PSMG2: variants seen among roughly 807,000 people sequenced by gnomAD.
The protein encoded by PSMG2 is CD40 ligand-activated specific transcript 3.
In PSMG2, 21 loss-of-function variants were observed where a neutral mutation model predicts 31.5. That is an observed-to-expected ratio of 0.67 (90% CI 0.47 to 0.96). PSMG2 has a LOEUF of 0.96. Among genes scored for constraint, PSMG2 ranks in the 40% least tolerant of loss-of-function variants. The pLI, the probability that PSMG2 is intolerant of heterozygous loss-of-function variation, is 0.00. For synonymous variants in PSMG2, 120 were observed against 110.4 expected (o/e 1.09, Z -0.54); for missense variants, 318 against 321.2 (o/e 0.99, Z 0.08).
At chr18:12,701,283 T>TA (rs2040141215), upstream of PSMG2, among the ~76,000 whole-genome samples, 1 of 152,132 alleles carries the variant, frequency 6.6e-6, no homozygotes, top group South Asian at 2.1e-4. Flanking sequence ...ATTCTAGAAA[T>TA]AGTCTCCACT....
chr18:12,702,646 C>CA (rs1344241458), upstream of PSMG2: 5 of 1,355,336 alleles, frequency 3.7e-6, no homozygotes, highest in African/African-American at 7.4e-5. Context: ...GACTGGAGCA[C>CA]AAAGCGCCGC....
At chr18:12,667,576 A>G (rs893165455) in intron 1 of PSMG2, among the ~76,000 whole-genome samples, 1 of 151,732 alleles carries the variant, frequency 6.6e-6, no homozygotes, top group Non-Finnish European at 1.5e-5. Flanking sequence ...CCTGGCCAAC[A>G]TGGTGAAACC....
At chr18:12,659,537 A>G (rs2144930234) in intron 1 of PSMG2, among the ~76,000 whole-genome samples, 1 of 152,136 alleles carries the variant, frequency 6.6e-6, no homozygotes, top group Non-Finnish European at 1.5e-5. Context: ...GAGTGTGGTG[A>G]CGCACGCTTG....
At chr18:12,664,910 G>A (rs1347834547) in intron 1 of PSMG2, among the ~76,000 whole-genome samples, 2 of 151,988 alleles carry the variant, frequency 1.3e-5, no homozygotes, top group African/African-American at 4.8e-5. Flanking sequence ...CTTTGGCCAG[G>A]CTGGTCTCAA....
At chr18:12,721,245 G>T (rs548394883) in intron 5 of PSMG2, among the ~76,000 whole-genome samples, 1 of 152,112 alleles carries the variant, frequency 6.6e-6, no homozygotes, top group Non-Finnish European at 1.5e-5. Flanking sequence ...TTAGGGGAAA[G>T]ATTTAAACTT....
At chr18:12,699,700 C>T (rs2040085095), upstream of PSMG2, 1 of 575,714 alleles carries the variant, frequency 1.7e-6, no homozygotes, top group African/African-American at 1.9e-5. Context: ...TCTGTTTTAG[C>T]CAACCATAAA....
chr18:12,725,105 G>A (rs78425322), intron 6 of PSMG2, among the ~76,000 whole-genome samples: 11,359 of 152,190 alleles, frequency 0.075, 595 homozygotes, highest in Middle Eastern at 0.16. Context: ...TTCTAAGATG[G>A]GTAACTAGCT....
At chr18:12,673,972 T>G (rs1239577917) in intron 1 of PSMG2, among the ~76,000 whole-genome samples, 3 of 152,172 alleles carry the variant, frequency 2.0e-5, no homozygotes, top group Non-Finnish European at 4.4e-5. Context: ...TATAGACTAT[T>G]TCCTTATAGT....
In PSMG2 at chr18:12,715,851, C is replaced by G. The variant is rs571824324; in HGVS notation, c.289-2666C>G. ...AAGTATGACGTACATGAGAAAAGTG[C>G]ACAAATCATAAATATACAGCTTGGT... On this transcript the variant is annotated intron_variant, in intron 3 of 6. Transcript: ENST00000317615. Among the ~76,000 whole-genome samples, 5 of 152,272 alleles carry G rather than the reference C, an allele frequency of 3.3e-5. No individual in the cohort carries two copies. In the South Asian group the frequency reaches 8.3e-4, roughly 25 times the overall value.
In PSMG2 at chr18:12,706,639, C is replaced by T. The variant is rs796272716; in HGVS notation, c.147C>T (p.Thr49=). 3.1e-6 allele frequency: 5 copies of T among 1,613,834 alleles called. No homozygotes were observed. The highest frequency in any genetic ancestry group is 2.2e-5 in the East Asian group (1 of 44,872). ...LNMSKIGYFY[T]DCLVPMVGNN... is the part of the protein sequence containing the mutation. ...TGTCTAAGATTGGTTACTTCTATACCGATTGTCTTGTGCCAATGGTTGGAA... is the reference window on the plus strand; with the variant it reads ...TGTCTAAGATTGGTTACTTCTATACTGATTGTCTTGTGCCAATGGTTGGAA... Residue 49 remains threonine (T), a synonymous_variant, in exon 2 of 7, where the codon ACC becomes ACT. Coordinates refer to ENST00000317615, the MANE Select transcript of PSMG2 (RefSeq NM_020232.5).
chr18:12,711,470 C>T (rs1439989952), intron 2 of PSMG2, among the ~76,000 whole-genome samples: 1 of 152,030 alleles, frequency 6.6e-6, no homozygotes, highest in East Asian at 1.9e-4. Flanking sequence ...GTCTCTTTTC[C>T]CTAAATTTAT....
At chr18:12,674,662 A>T (rs1458821148) in intron 1 of PSMG2, 1 of 1,614,074 alleles carries the variant, frequency 6.2e-7, no homozygotes, top group Admixed American at 1.7e-5. Context: ...GCCTGCTGAT[A>T]TACTTGTTGT....
At chr18:12,667,529 A>C (rs1473218503) in intron 1 of PSMG2, among the ~76,000 whole-genome samples, 1 of 152,150 alleles carries the variant, frequency 6.6e-6, no homozygotes, top group Non-Finnish European at 1.5e-5. Context: ...TGGGAGGCCA[A>C]GGCAGGTGGA....
At chr18:12,698,815 G>C (rs553444555), upstream of PSMG2, 6 of 596,908 alleles carry the variant, frequency 1.0e-5, no homozygotes, top group South Asian at 1.4e-4. Context: ...ACAGAATATT[G>C]CAAGAAGGTG....
At chr18:12,686,642 A>T (rs2039549169) in intron 1 of PSMG2, 1 of 442,104 alleles carries the variant, frequency 2.3e-6, no homozygotes, top group Non-Finnish European at 4.1e-6. Context: ...TTTTCATTTT[A>T]TAGATGAAAA....
intron 1 of PSMG2, among the ~76,000 whole-genome samples, chr18:12,675,517 TC>T (rs2144987285): frequency 6.6e-6 from 1 of 152,298 alleles, no homozygotes; most frequent in East Asian, 1.9e-4. Flanking sequence ...ACAAATTAAT[TC>T]TATGTGATTA....
At chr18:12,693,490 A>G (rs993449338) in intron 1 of PSMG2, among the ~76,000 whole-genome samples, 22 of 152,208 alleles carry the variant, frequency 1.4e-4, no homozygotes, top group Admixed American at 5.9e-4. Flanking sequence ...CATTTACTTT[A>G]TATGTCACAT....
intron 1 of PSMG2, chr18:12,662,237 C>G: frequency 2.3e-6 from 1 of 436,840 alleles, no homozygotes; most frequent in South Asian, 1.7e-5. Flanking sequence ...CCTAAATTTT[C>G]ATTGCCCACA....
chr18:12,677,458 C>CAAA (rs71174127), intron 1 of PSMG2, among the ~76,000 whole-genome samples: 8 of 53,940 alleles, frequency 1.5e-4, no homozygotes, highest in African/African-American at 2.5e-4. Flanking sequence ...GATTCCATCT[C>CAAA]AAAAAAAAAA....
Sources: allele counts gnomAD v4.1 joint callset (sites outside exome capture counted in the v4.1 genomes callset), GRCh38; gene constraint gnomAD v4.1.1; transcripts MANE v1.5; gene names NCBI Gene and HGNC (gene_info 2026-07-23, HGNC 2026-07-21).